LGR6: variants seen among roughly 807,000 people sequenced by gnomAD.
LGR6 encodes leucine-rich repeat-containing G protein-coupled receptor 6.
In LGR6, 45 loss-of-function variants were observed where a neutral mutation model predicts 69.4. The observed-to-expected ratio is 0.65, with a 90% CI of 0.51 to 0.83. LGR6 has a LOEUF of 0.83. Among genes scored for constraint, LGR6 ranks in the 40% least tolerant of loss-of-function variants. The pLI is 0.00. For synonymous variants in LGR6, 538 were observed against 555.0 expected (o/e 0.97, Z 0.43); for missense variants, 1,108 against 1,246.7 (o/e 0.89, Z 1.68).
In LGR6 at chr1:202,309,190, T is replaced by G. The variant is rs1248959088; in HGVS notation, c.1406+14T>G. On this transcript the variant is annotated intron_variant, in intron 15 of 17. Transcript: ENST00000367278. ...CCCAAAACTGAGGTGAGGGACTGGC[T>G]TTCCCCAACACCTGGGTAGGCCAGC... is the stretch of plus-strand genomic sequence containing the variant. 9 of 1,613,512 alleles carry G rather than the reference T, an allele frequency of 5.6e-6. No individual in the cohort carries two copies.
chr1:202,210,939 T>C (rs1659439824), intron 1 of LGR6: 1 of 152,196 alleles, frequency 6.6e-6, no homozygotes, highest in Non-Finnish European at 1.5e-5. Context: ...GAGATTACAA[T>C]TGGGTCAGAA....
At chr1:202,261,381 A>G (rs1395542986) in intron 4 of LGR6, among the ~76,000 whole-genome samples, 2 of 151,736 alleles carry the variant, frequency 1.3e-5, no homozygotes, top group African/African-American at 4.8e-5. Context: ...ATGATTTCCA[A>G]TTTCATCCAT....
intron 3 of LGR6, among the ~76,000 whole-genome samples, chr1:202,233,393 C>T (rs1037640340): frequency 5.3e-5 from 8 of 152,118 alleles, no homozygotes; most frequent in Non-Finnish European, 1.0e-4. Flanking sequence ...GAGCAGCCTG[C>T]GACCCCCTGT....
intron 6 of LGR6, among the ~76,000 whole-genome samples, chr1:202,294,716 C>T (rs1448262908): frequency 6.6e-6 from 1 of 152,190 alleles, no homozygotes; most frequent in Non-Finnish European, 1.5e-5. Flanking sequence ...CCATTTCATT[C>T]TGTTGGACCA....
intron 1 of LGR6, among the ~76,000 whole-genome samples, chr1:202,212,540 A>C (rs1288040407): frequency 6.6e-6 from 1 of 152,196 alleles, no homozygotes; most frequent in African/African-American, 2.4e-5. Context: ...CTAGGGGAGA[A>C]CCCACTGCGT....
intron 4 of LGR6, among the ~76,000 whole-genome samples, chr1:202,256,238 A>AT (rs931260308): frequency 6.6e-5 from 10 of 151,930 alleles, no homozygotes; most frequent in East Asian, 1.9e-4. Flanking sequence ...TTCCTTTTTT[A>AT]TTTTTTTTAA....
At chr1:202,290,927 C>T (rs1666750495) in intron 6 of LGR6, among the ~76,000 whole-genome samples, 1 of 152,152 alleles carries the variant, frequency 6.6e-6, no homozygotes, top group African/African-American at 2.4e-5. Flanking sequence ...ATCCTGCCAG[C>T]TCTGTTGTCT....
intron 1 of LGR6, among the ~76,000 whole-genome samples, chr1:202,200,655 G>T (rs980167469): frequency 4.6e-5 from 7 of 152,180 alleles, no homozygotes. Context: ...GAGAATCGTG[G>T]GGTCCCCTTT....
chr1:202,304,609 A>T lies in LGR6; in HGVS notation c.1049A>T (p.Gln350Leu), dbSNP rs769340367. 1.2e-5 allele frequency: 19 copies of T among 1,610,862 alleles called. No homozygotes were observed. In the African/African-American group the frequency reaches 1.3e-4, roughly 11 times the overall value. ...IRLLPSGMCQ[Q>L]LPRLRVLELS... ...CTGCTCCCATCGGGGATGTGCCAAC[A>T]GCTGCCCAGGCTCCGAGTCCTGTGA... is the stretch of plus-strand genomic sequence containing the variant. Residue 350 changes from glutamine to leucine, a missense_variant, in exon 11 of 18, where the codon CAG becomes CTG. Coordinates refer to ENST00000367278, the MANE Select transcript of LGR6 (RefSeq NM_001017403.2).
chr1:202,318,736 C>T lies in LGR6; in HGVS notation c.2433C>T (p.Val811=), dbSNP rs764631793. ...FPVTPEAVKS[V]LLVVLPLPAC... ...TCACGCCCGAGGCCGTCAAGTCTGT[C>T]CTGCTGGTGGTGCTGCCCCTGCCTG... Residue 811 remains valine (V), a synonymous_variant, in exon 18 of 18, where the codon GTC becomes GTT. Coordinates refer to ENST00000367278, the MANE Select transcript of LGR6 (RefSeq NM_001017403.2). 7 of 1,613,554 alleles carry T rather than the reference C, an allele frequency of 4.3e-6. No individual in the cohort carries two copies. The South Asian group carries it at 7.7e-5, about 18-fold the overall frequency.
chr1:202,289,231 G>A (rs705755), intron 6 of LGR6, among the ~76,000 whole-genome samples: 11 of 151,930 alleles, frequency 7.2e-5, no homozygotes, highest in South Asian at 2.1e-4. Context: ...GAAGGATTAC[G>A]TAATCTGCAG....
At position 202,228,012 on chromosome 1, in the gene LGR6, G is replaced by C; in HGVS notation, c.356+5G>C. The C allele has an allele frequency of 6.2e-7, 1 of 1,600,352 alleles. No homozygotes were observed. ...TCTCTACAGCCTGAAAATCCTGTAAGTATAGGTACACCTCATTTTACATAG... is the reference window on the plus strand; with the variant it reads ...TCTCTACAGCCTGAAAATCCTGTAACTATAGGTACACCTCATTTTACATAG... On this transcript the variant is annotated splice_donor_5th_base_variant and intron_variant, in intron 3 of 17. Transcript: ENST00000367278.
At chr1:202,236,959 C>T (rs987505326) in intron 4 of LGR6, among the ~76,000 whole-genome samples, 1 of 152,090 alleles carries the variant, frequency 6.6e-6, no homozygotes, top group Non-Finnish European at 1.5e-5. Flanking sequence ...CTTTCCTTCT[C>T]ATGACTGATA....
At chr1:202,263,676 A>T (rs1485343528) in intron 4 of LGR6, among the ~76,000 whole-genome samples, 1 of 152,168 alleles carries the variant, frequency 6.6e-6, no homozygotes, top group Non-Finnish European at 1.5e-5. Context: ...GCACCATGTG[A>T]GGTTAGGTCA....
At chr1:202,195,608 A>ATTC (rs1487603204) in intron 1 of LGR6, among the ~76,000 whole-genome samples, 1 of 152,202 alleles carries the variant, frequency 6.6e-6, no homozygotes, top group Non-Finnish European at 1.5e-5. Context: ...CATCTGGCAA[A>ATTC]GCAGGGCAGG....
chr1:202,284,438 T>C (rs1330554988), intron 6 of LGR6, among the ~76,000 whole-genome samples: 1 of 152,234 alleles, frequency 6.6e-6, no homozygotes, highest in Non-Finnish European at 1.5e-5. Flanking sequence ...GAGTTGCCCA[T>C]GTCACTGTAA....
intron 3 of LGR6, among the ~76,000 whole-genome samples, chr1:202,235,122 G>C (rs1661426392): frequency 6.6e-6 from 1 of 152,170 alleles, no homozygotes; most frequent in Non-Finnish European, 1.5e-5. Context: ...TCTGATGCCT[G>C]GGGTTGGCTA....
In LGR6 at chr1:202,318,001, G is replaced by A. The variant is rs759422028; in HGVS notation, c.1698G>A (p.Leu566=). Residue 566 remains leucine, a synonymous_variant, in exon 18 of 18, where the codon CTG becomes CTA. Coordinates refer to ENST00000367278, the MANE Select transcript of LGR6 (RefSeq NM_001017403.2). The part of the protein sequence containing the change: ...EYLFESWGIR[L]AVWAIVLLSV... ...TCTTTGAAAGCTGGGGCATCCGCCT[G>A]GCCGTGTGGGCCATCGTGTTGCTCT... The A allele has an allele frequency of 1.9e-6, 3 of 1,613,940 alleles. No homozygotes were observed. Among genetic ancestry groups the A allele is most frequent in the Non-Finnish European group, 2.5e-6 (3 of 1,179,988 alleles).
intron 1 of LGR6, among the ~76,000 whole-genome samples, chr1:202,200,935 G>A (rs1172460923): frequency 6.6e-6 from 1 of 152,202 alleles, no homozygotes; most frequent in Non-Finnish European, 1.5e-5. Context: ...GAGGGGAGCT[G>A]GGCCCGGCTA....
Sources: allele counts gnomAD v4.1 joint callset (sites outside exome capture counted in the v4.1 genomes callset), GRCh38; gene constraint gnomAD v4.1.1; transcripts MANE v1.5; gene names NCBI Gene and HGNC (gene_info 2026-07-23, HGNC 2026-07-21).